The following MBOAT1 variants were observed in gnomAD, a reference collection of about 807,000 sequenced individuals.
The protein encoded by MBOAT1 is membrane bound glycerophospholipid O-acyltransferase 1, also known as membrane-bound glycerophospholipid O-acyltransferase 1.
In MBOAT1, 67 loss-of-function variants were observed where a neutral mutation model predicts 64.4. The observed-to-expected ratio is 1.04, with a 90% CI of 0.85 to 1.27. MBOAT1 has a LOEUF of 1.27. MBOAT1 is among the 50% of genes most tolerant of loss of function. MBOAT1 has a pLI of 0.00. For synonymous variants in MBOAT1, 229 were observed against 218.9 expected (o/e 1.05, Z -0.41); for missense variants, 563 against 604.6 (o/e 0.93, Z 0.72).
intron 1 of MBOAT1, among the ~76,000 whole-genome samples, chr6:20,190,384 TA>T (rs1318377538): frequency 6.6e-6 from 1 of 152,234 alleles, no homozygotes; most frequent in African/African-American, 2.4e-5. Flanking sequence ...CCCTCCCCAG[TA>T]AGCCAGGTGA....
chr6:20,113,626 G>T (rs901438937), intron 10 of MBOAT1, among the ~76,000 whole-genome samples: 4 of 151,914 alleles, frequency 2.6e-5, no homozygotes, highest in African/African-American at 9.7e-5. Flanking sequence ...CTTAAAGAGT[G>T]ATACTGTGAC....
intron 12 of MBOAT1, among the ~76,000 whole-genome samples, chr6:20,107,327 G>A (rs1404265327): frequency 6.6e-6 from 1 of 152,086 alleles, no homozygotes; most frequent in African/African-American, 2.4e-5. Context: ...ACTATGGGGG[G>A]CTACATGACG....
chr6:20,121,138 G>C (rs1487221862), intron 8 of MBOAT1, among the ~76,000 whole-genome samples: 2 of 152,170 alleles, frequency 1.3e-5, no homozygotes, highest in Non-Finnish European at 2.9e-5. Context: ...ACAGTATCTA[G>C]AGCTAGGCTA....
At chr6:20,132,930 A>T (rs1324450729) in intron 4 of MBOAT1, among the ~76,000 whole-genome samples, 1 of 152,192 alleles carries the variant, frequency 6.6e-6, no homozygotes, top group Non-Finnish European at 1.5e-5. Flanking sequence ...CTTCTCTGTG[A>T]GTCTATTTTC....
intron 6 of MBOAT1, 128 bp downstream of exon 6, chr6:20,128,571 G>T: frequency 1.6e-6 from 1 of 643,262 alleles, no homozygotes; most frequent in Non-Finnish European, 2.5e-6. Context: ...TCCATCAATA[G>T]CAGATTCATA....
chr6:20,159,753 G>T (rs1211438188), intron 1 of MBOAT1, among the ~76,000 whole-genome samples: 1 of 151,992 alleles, frequency 6.6e-6, no homozygotes, highest in Non-Finnish European at 1.5e-5. Context: ...ACATCACATT[G>T]TACCCTATAA....
intron 1 of MBOAT1, among the ~76,000 whole-genome samples, chr6:20,174,237 C>T (rs374060569): frequency 1.1e-3 from 175 of 152,268 alleles, no homozygotes; most frequent in African/African-American, 4.1e-3. Context: ...TACAATCCTG[C>T]GTCGCTTAAC....
chr6:20,115,452 T>C (rs1432402029), intron 9 of MBOAT1, 100 bp from the exon 10 acceptor site: 1 of 897,334 alleles, frequency 1.1e-6, no homozygotes, highest in Non-Finnish European at 1.8e-6. Flanking sequence ...ATACTGTATT[T>C]CAATAGTGAC....
chr6:20,114,704 G>A (rs1760269189), intron 10 of MBOAT1, among the ~76,000 whole-genome samples: 1 of 152,064 alleles, frequency 6.6e-6, no homozygotes, highest in African/African-American at 2.4e-5. Context: ...CCCACATGGT[G>A]AAACCTCGTC....
chr6:20,144,070 A>G (rs1055386333), intron 4 of MBOAT1, 150 bp downstream of exon 4: 1 of 597,814 alleles, frequency 1.7e-6, no homozygotes, highest in African/African-American at 1.8e-5. Context: ...CAATCAATCA[A>G]GTCTCCAGCC....
intron 1 of MBOAT1, among the ~76,000 whole-genome samples, chr6:20,153,569 T>C (rs1761590827): frequency 6.6e-6 from 1 of 152,238 alleles, no homozygotes; most frequent in Non-Finnish European, 1.5e-5. Context: ...CTAAACCCAT[T>C]GTTCTACTCT....
intron 1 of MBOAT1, among the ~76,000 whole-genome samples, chr6:20,166,238 T>C (rs1482937914): frequency 1.3e-5 from 2 of 152,244 alleles, no homozygotes; most frequent in African/African-American, 4.8e-5. Flanking sequence ...CAACTCATAC[T>C]GAGCTAGCTT....
chr6:20,150,741 G>GT (rs202226295), intron 3 of MBOAT1, among the ~76,000 whole-genome samples: 30,760 of 140,718 alleles, frequency 0.22, 3,854 homozygotes, highest in East Asian at 0.41. Context: ...TTTTTTTTGG[G>GT]TTTTTTTTTT....
chr6:20,207,147 T>G (rs1259575939), intron 1 of MBOAT1, among the ~76,000 whole-genome samples: 1 of 152,254 alleles, frequency 6.6e-6, no homozygotes, highest in Non-Finnish European at 1.5e-5. Context: ...TTGATTATAC[T>G]CAGCAGCTCA....
chr6:20,148,393 G>A (rs1406532659), intron 3 of MBOAT1, among the ~76,000 whole-genome samples: 1 of 152,134 alleles, frequency 6.6e-6, no homozygotes, highest in African/African-American at 2.4e-5. Flanking sequence ...ACTATAGCCT[G>A]GGCAACAGAG....
At chr6:20,109,264 AC>A (rs1470491585) in intron 12 of MBOAT1, among the ~76,000 whole-genome samples, 1 of 151,698 alleles carries the variant, frequency 6.6e-6, no homozygotes, top group Non-Finnish European at 1.5e-5. Context: ...AGTACAGCCT[AC>A]CCCCCAGGAG....
rs540841950 is a variant in MBOAT1 at position 20,200,816 on chromosome 6, C to T, written c.99+11320G>A. Reference sequence around the variant, plus strand: ...GCTAAAGGAGAAAGTGTAGGGTGACCGGTCCCCCACCAGGTTATTTAAGGG... The same window carrying T: ...GCTAAAGGAGAAAGTGTAGGGTGACTGGTCCCCCACCAGGTTATTTAAGGG... On this transcript the variant is annotated intron_variant, in intron 1 of 12. Coordinates refer to ENST00000324607, the MANE Select transcript of MBOAT1 (RefSeq NM_001080480.3). Among the ~76,000 whole-genome samples, 35 of 152,156 alleles carry T rather than the reference C, an allele frequency of 2.3e-4. 1 individual carries two copies. The highest frequency in any genetic ancestry group is 7.0e-4 in the African/African-American group (29 of 41,478).
At chr6:20,118,315 G>T in intron 9 of MBOAT1, 122 bp downstream of exon 9, 1 of 750,006 alleles carries the variant, frequency 1.3e-6, no homozygotes, top group East Asian at 2.7e-5. Context: ...TGCTGAGCCT[G>T]GCAATTCCCT....
At chr6:20,136,992 T>C (rs978239734) in intron 4 of MBOAT1, among the ~76,000 whole-genome samples, 1 of 152,240 alleles carries the variant, frequency 6.6e-6, no homozygotes, top group African/African-American at 2.4e-5. Context: ...CACCATAATT[T>C]AATCATTCAT....
Sources: allele counts gnomAD v4.1 joint callset (sites outside exome capture counted in the v4.1 genomes callset), GRCh38; gene constraint gnomAD v4.1.1; transcripts MANE v1.5; gene names NCBI Gene and HGNC (gene_info 2026-07-23, HGNC 2026-07-21).